SLC39A11: variants seen among roughly 807,000 people sequenced by gnomAD.
The protein encoded by SLC39A11 is zinc transporter ZIP11.
In SLC39A11, 33 loss-of-function variants were observed where a neutral mutation model predicts 36.1. The ratio of observed to expected loss-of-function variants is 0.91; its 90% CI spans 0.69 to 1.22. The LOEUF is 1.22. SLC39A11 is among the 50% of genes most tolerant of loss of function. SLC39A11 has a pLI of 0.00. For synonymous variants in SLC39A11, 166 were observed against 170.3 expected (o/e 0.97, Z 0.20); for missense variants, 432 against 430.3 (o/e 1.00, Z -0.03).
At chr17:72,685,021 A>G (rs954717000) in intron 7 of SLC39A11, among the ~76,000 whole-genome samples, 1 of 152,204 alleles carries the variant, frequency 6.6e-6, no homozygotes, top group Non-Finnish European at 1.5e-5. Context: ...CAAGATACAA[A>G]TGGTGCTGAG....
intron 3 of SLC39A11, among the ~76,000 whole-genome samples, chr17:73,059,283 AAC>A (rs2059765431): frequency 6.6e-6 from 1 of 152,242 alleles, no homozygotes; most frequent in Non-Finnish European, 1.5e-5. Context: ...GTTAGTATAT[AAC>A]AGTTTAAAAT....
intron 7 of SLC39A11, among the ~76,000 whole-genome samples, chr17:72,666,495 T>C (rs1185514517): frequency 6.6e-6 from 1 of 152,234 alleles, no homozygotes; most frequent in Non-Finnish European, 1.5e-5. Flanking sequence ...ACGCTCTCAA[T>C]AGGCTTCGAC....
At chr17:72,648,045 A>G (rs2069648817) in intron 9 of SLC39A11, among the ~76,000 whole-genome samples, 1 of 152,098 alleles carries the variant, frequency 6.6e-6, no homozygotes, top group Admixed American at 6.5e-5. Flanking sequence ...AAAAACCAAA[A>G]TAGGCTGGGA....
intron 4 of SLC39A11, among the ~76,000 whole-genome samples, chr17:72,949,144 C>CTTTTTTTTTT (rs56036208): frequency 0.016 from 585 of 36,504 alleles, 168 homozygotes; most frequent in Non-Finnish European, 0.025. Flanking sequence ...CACTGGGCAG[C>CTTTTTTTTTT]TTTTTTTTTT....
chr17:73,039,999 C>T (rs1048923978), intron 3 of SLC39A11, among the ~76,000 whole-genome samples: 2 of 152,108 alleles, frequency 1.3e-5, no homozygotes, highest in Non-Finnish European at 2.9e-5. Flanking sequence ...GTTACCACCT[C>T]CCCCATTATC....
chr17:72,734,994 G>A (rs1214750420), intron 7 of SLC39A11, among the ~76,000 whole-genome samples: 2 of 152,116 alleles, frequency 1.3e-5, no homozygotes, highest in Non-Finnish European at 2.9e-5. Context: ...GCTTAGAAGA[G>A]CAGTCTGCAG....
intron 6 of SLC39A11, among the ~76,000 whole-genome samples, chr17:72,836,497 T>C (rs150946986): frequency 1.3e-5 from 2 of 152,160 alleles, no homozygotes; most frequent in East Asian, 1.9e-4. Context: ...CGCGCCACCA[T>C]ACCCCACTAA....
chr17:73,032,690 C>G (rs1374414407), intron 3 of SLC39A11, among the ~76,000 whole-genome samples: 3 of 152,150 alleles, frequency 2.0e-5, no homozygotes, highest in Non-Finnish European at 2.9e-5. Flanking sequence ...AAAACTGTGT[C>G]CCTCCTGTGT....
intron 4 of SLC39A11, among the ~76,000 whole-genome samples, chr17:72,954,958 T>C (rs930017224): frequency 2.0e-5 from 3 of 152,204 alleles, no homozygotes; most frequent in African/African-American, 7.2e-5. Context: ...TGGGTCATAG[T>C]CAGAATCCCT....
At chr17:73,045,097 G>C (rs1255198189) in intron 3 of SLC39A11, among the ~76,000 whole-genome samples, 1 of 151,910 alleles carries the variant, frequency 6.6e-6, no homozygotes, top group Non-Finnish European at 1.5e-5. Context: ...TCCAGGTTCT[G>C]GGGTCTATCC....
chr17:73,004,236 G>GAAAAGA (rs1471817445), intron 4 of SLC39A11, among the ~76,000 whole-genome samples: 1 of 143,412 alleles, frequency 7.0e-6, no homozygotes, highest in Non-Finnish European at 1.6e-5. Context: ...AGAAAGAAAA[G>GAAAAGA]AAAGAAAGAG....
At chr17:72,671,332 A>G (rs1010183499) in intron 7 of SLC39A11, among the ~76,000 whole-genome samples, 8 of 152,228 alleles carry the variant, frequency 5.3e-5, no homozygotes, top group African/African-American at 1.9e-4. Flanking sequence ...GTGGCTTGCC[A>G]TAGCTGTGCA....
intron 6 of SLC39A11, among the ~76,000 whole-genome samples, chr17:72,741,741 A>T (rs1031195207): frequency 6.6e-6 from 1 of 152,144 alleles, no homozygotes; most frequent in Non-Finnish European, 1.5e-5. Context: ...GGTCTGAGAG[A>T]CACAGGTGGG....
intron 4 of SLC39A11, among the ~76,000 whole-genome samples, chr17:73,023,535 G>C (rs1249402917): frequency 6.6e-6 from 1 of 152,146 alleles, no homozygotes; most frequent in Non-Finnish European, 1.5e-5. Flanking sequence ...TCTTGCCCAG[G>C]CTGGAGTGCA....
At chr17:73,089,546 T>C (rs1179986873) in intron 1 of SLC39A11, among the ~76,000 whole-genome samples, 2 of 152,210 alleles carry the variant, frequency 1.3e-5, no homozygotes, top group African/African-American at 4.8e-5. Flanking sequence ...TCCCCAGCCC[T>C]GTCCTAGCAT....
intron 5 of SLC39A11, among the ~76,000 whole-genome samples, chr17:72,930,707 T>C (rs2084336723): frequency 6.6e-6 from 1 of 152,142 alleles, no homozygotes; most frequent in Non-Finnish European, 1.5e-5. Context: ...TGTTCCATAA[T>C]AAATCTCACG....
At position 72,879,990 on chromosome 17, in the gene SLC39A11, C is replaced by T. The variant is rs529558696; in HGVS notation, c.431-30186G>A. 1.2e-4 allele frequency among the ~76,000 whole-genome samples: 19 copies of T among 152,352 alleles called. No homozygotes were observed. The South Asian group carries it at 3.7e-3, about 30-fold the overall frequency. Reference sequence around the variant, plus strand: ...ATTTGTCCAGACTCCTTAAAAACCCCATCCTCAAACCTCTTGAGGAGGCTA... The same window carrying T: ...ATTTGTCCAGACTCCTTAAAAACCCTATCCTCAAACCTCTTGAGGAGGCTA... On this transcript the variant is annotated intron_variant, in intron 5 of 9. Transcript: ENST00000255559.
chr17:72,674,636 G>T (rs1373889015), intron 7 of SLC39A11, among the ~76,000 whole-genome samples: 2 of 152,144 alleles, frequency 1.3e-5, no homozygotes, highest in African/African-American at 4.8e-5. Flanking sequence ...CTCCAGAAGG[G>T]TTGTACCAAT....
chr17:72,895,073 A>G (rs1378190639), intron 5 of SLC39A11, among the ~76,000 whole-genome samples: 3 of 152,210 alleles, frequency 2.0e-5, no homozygotes, highest in East Asian at 3.8e-4. Flanking sequence ...GGTTACTTCA[A>G]GGTAGCTATT....
Sources: gnomAD v4.1 joint callset for allele counts (sites outside exome capture counted in the v4.1 genomes callset) on GRCh38, gnomAD v4.1.1 for gene constraint, MANE v1.5 for transcripts, NCBI Gene and HGNC (gene_info 2026-07-23, HGNC 2026-07-21) for gene names.